DEUP1: variants seen among roughly 807,000 people sequenced by gnomAD.
DEUP1 encodes the protein coiled-coil domain containing 67.
In DEUP1, 82 loss-of-function variants were observed where a neutral mutation model predicts 87.4. The observed-to-expected ratio is 0.94, with a 90% CI of 0.78 to 1.13. DEUP1 has a LOEUF of 1.13. Ranked by LOEUF, DEUP1 falls within the 50% of genes most tolerant of loss-of-function variation. DEUP1 has a pLI of 0.00. For synonymous variants in DEUP1, 214 were observed against 222.7 expected, an observed-to-expected ratio of 0.96 and a Z score of 0.35; for missense variants, 663 against 681.5, an observed-to-expected ratio of 0.97 and a Z score of 0.30.
chr11:93,437,607 A>G lies in DEUP1; in HGVS notation c.1703A>G (p.Lys568Arg). ...AAQHFLLEEE[K>R]RAKELEKLLN... is the part of the protein sequence containing the mutation. ...CAGCATTTCCTTCTGGAAGAAGAGAAACGAGCAAAAGAACTTGAAAAACTT... is the reference window on the plus strand; with the variant it reads ...CAGCATTTCCTTCTGGAAGAAGAGAGACGAGCAAAAGAACTTGAAAAACTT... The change falls in exon 14 of 14, where the codon AAA becomes AGA. Residue 568 changes from lysine to arginine, a missense_variant. Transcript: ENST00000298050. 6.2e-7 allele frequency: 1 copy of G among 1,613,394 alleles called. No individual in the cohort carries two copies. Among genetic ancestry groups the G allele is most frequent in the Non-Finnish European group, 8.5e-7 (1 of 1,179,352 alleles).
In DEUP1 at chr11:93,437,552, G is replaced by C. The variant is rs559467333; in HGVS notation, c.1648G>C (p.Asp550His). ...TTCTTTCTCTCTTTAGTCTCCCCCA[G>C]ATATGTCCTTCCCAGCATCTTTGGC... Reference protein sequence around the residue: ...DDDVFPLSPPDMSFPASLAAQ... With the variant: ...DDDVFPLSPPHMSFPASLAAQ... The change falls in exon 14 of 14, where the codon GAT becomes CAT. Residue 550 changes from aspartate to histidine, a missense_variant. Physicochemically the swap from Asp to His is moderately conservative, Grantham distance 81 (BLOSUM62 -1). Transcript: ENST00000298050. 6 of 1,611,852 alleles carry C rather than the reference G, an allele frequency of 3.7e-6. No individual in the cohort carries two copies. In the African/African-American group the frequency reaches 6.7e-5, roughly 18 times the overall value.
chr11:93,374,442 A>G (rs781365201), intron 7 of DEUP1, among the ~76,000 whole-genome samples: 13 of 152,168 alleles, frequency 8.5e-5, no homozygotes, highest in Non-Finnish European at 1.3e-4. Context: ...ATCCATCTTT[A>G]GTTGATTTTT....
chr11:93,384,680 G>A (rs779359549), intron 7 of DEUP1, among the ~76,000 whole-genome samples: 1 of 152,164 alleles, frequency 6.6e-6, no homozygotes, highest in African/African-American at 2.4e-5. Flanking sequence ...GGCCAGCTTT[G>A]CCATTAGCTT....
intron 2 of DEUP1, among the ~76,000 whole-genome samples, chr11:93,337,073 C>T (rs1943802440): frequency 6.6e-6 from 1 of 152,160 alleles, no homozygotes; most frequent in African/African-American, 2.4e-5. Flanking sequence ...TCCTAAACAT[C>T]TAGGTACTGC....
At chr11:93,344,958 A>G (rs1001509342) in intron 2 of DEUP1, among the ~76,000 whole-genome samples, 1 of 151,764 alleles carries the variant, frequency 6.6e-6, no homozygotes, top group African/African-American at 2.4e-5. Context: ...CATCATCCAC[A>G]TACTAAGCCT....
intron 11 of DEUP1, among the ~76,000 whole-genome samples, chr11:93,396,716 T>C (rs1946956947): frequency 6.6e-6 from 1 of 152,242 alleles, no homozygotes; most frequent in Admixed American, 6.5e-5. Flanking sequence ...CGTATTTTGT[T>C]CTGACTTGTT....
At chr11:93,419,948 G>C (rs1368588944) in intron 13 of DEUP1, among the ~76,000 whole-genome samples, 2 of 151,890 alleles carry the variant, frequency 1.3e-5, no homozygotes, top group South Asian at 4.1e-4. Context: ...AAAAGGTCCA[G>C]GACCAGATGG....
chr11:93,416,356 A>G (rs1344210706), intron 13 of DEUP1, among the ~76,000 whole-genome samples: 1 of 152,220 alleles, frequency 6.6e-6, no homozygotes, highest in African/African-American at 2.4e-5. Context: ...GGATATCACC[A>G]CCGATCCCAC....
intron 11 of DEUP1, among the ~76,000 whole-genome samples, chr11:93,400,170 G>C (rs1177676789): frequency 6.6e-6 from 1 of 152,102 alleles, no homozygotes; most frequent in Non-Finnish European, 1.5e-5. Flanking sequence ...GTCTCAGTTT[G>C]ATAGGGCTGC....
chr11:93,381,575 C>T (rs1591188225), intron 7 of DEUP1, among the ~76,000 whole-genome samples: 1 of 152,218 alleles, frequency 6.6e-6, no homozygotes. Context: ...CATTATGCTA[C>T]ACTCTACATG....
In DEUP1 at chr11:93,340,435, A is replaced by T. The variant is rs182138527; in HGVS notation, c.29+8147A>T. 3.3e-3 allele frequency among the ~76,000 whole-genome samples: 502 copies of T among 152,292 alleles called. 3 individuals are homozygous for T. Among genetic ancestry groups the T allele is most frequent in the African/African-American group, 0.011 (471 of 41,572 alleles). On this transcript the variant is annotated intron_variant, in intron 2 of 13. Transcript: ENST00000298050. Reference sequence around the variant, plus strand: ...GGTAGGAGATGACCTCAGAAAGGCAAATAGGGCCAAGTCCTGAAGGGCCTC... The same window carrying T: ...GGTAGGAGATGACCTCAGAAAGGCATATAGGGCCAAGTCCTGAAGGGCCTC...
At chr11:93,381,432 T>TA (rs971423907) in intron 7 of DEUP1, among the ~76,000 whole-genome samples, 22 of 152,186 alleles carry the variant, frequency 1.4e-4, no homozygotes, top group African/African-American at 5.1e-4. Context: ...TTCTTATATG[T>TA]AAAATTCTCT....
At chr11:93,386,166 G>T (rs777826566) in intron 8 of DEUP1, among the ~76,000 whole-genome samples, 9 of 152,056 alleles carry the variant, frequency 5.9e-5, no homozygotes, top group Non-Finnish European at 1.0e-4. Context: ...GCCTATACCT[G>T]ATGTCAACAT....
At chr11:93,365,808 T>C (rs995973088) in intron 5 of DEUP1, among the ~76,000 whole-genome samples, 4 of 152,242 alleles carry the variant, frequency 2.6e-5, no homozygotes, top group African/African-American at 7.2e-5. Flanking sequence ...TTTTTACTTA[T>C]AGCCATCTGA....
chr11:93,417,514 C>T (rs1240666950), intron 13 of DEUP1, among the ~76,000 whole-genome samples: 1 of 152,184 alleles, frequency 6.6e-6, no homozygotes, highest in Non-Finnish European at 1.5e-5. Context: ...CAAACCACTG[C>T]TCAATGAAAT....
intron 13 of DEUP1, among the ~76,000 whole-genome samples, chr11:93,416,867 G>A (rs1359134911): frequency 6.6e-6 from 1 of 151,968 alleles, no homozygotes; most frequent in Non-Finnish European, 1.5e-5. Flanking sequence ...ATGCAAGGCT[G>A]GTTCAATATA....
chr11:93,346,491 T>C (rs931185031), intron 2 of DEUP1, among the ~76,000 whole-genome samples: 1 of 152,184 alleles, frequency 6.6e-6, no homozygotes, highest in Admixed American at 6.5e-5. Context: ...CCTCTCAAAG[T>C]ATTGGGATTA....
chr11:93,368,070 A>G (rs945127099), intron 5 of DEUP1, among the ~76,000 whole-genome samples: 6 of 152,250 alleles, frequency 3.9e-5, no homozygotes, highest in Non-Finnish European at 7.3e-5. Flanking sequence ...TCCTTTGCTC[A>G]TGTTATTAAG....
chr11:93,434,668 T>C (rs1363961231), intron 13 of DEUP1, among the ~76,000 whole-genome samples: 3 of 152,118 alleles, frequency 2.0e-5, no homozygotes, highest in East Asian at 3.9e-4. Flanking sequence ...ATTCCGCCTC[T>C]AAGAGCCAGG....
Sources: gnomAD v4.1 joint callset for allele counts (sites outside exome capture counted in the v4.1 genomes callset) on GRCh38, gnomAD v4.1.1 for gene constraint, MANE v1.5 for transcripts, NCBI Gene and HGNC (gene_info 2026-07-23, HGNC 2026-07-21) for gene names.